The following ATP2B4 variants were observed in gnomAD, a reference collection of about 807,000 sequenced individuals.
ATP2B4 encodes the protein ATPase plasma membrane Ca2+ transporting 4.
ATP2B4 carries 39 observed loss-of-function variants against 110.3 expected under a neutral mutation model. The ratio of observed to expected loss-of-function variants is 0.35; its 90% CI spans 0.27 to 0.46. ATP2B4 has a LOEUF of 0.46. Ranked by LOEUF, ATP2B4 falls within the 20% of genes least tolerant of loss-of-function variation. The pLI, the probability that ATP2B4 is intolerant of heterozygous loss-of-function variation, is 1.00. For missense variants in ATP2B4, 1,135 were observed against 1,530.9 expected (o/e 0.74, Z 4.32); for synonymous variants, 538 against 571.7 (o/e 0.94, Z 0.84).
intron 1 of ATP2B4, among the ~76,000 whole-genome samples, chr1:203,663,074 A>G (rs1043321679): frequency 6.6e-6 from 1 of 152,192 alleles, no homozygotes; most frequent in African/African-American, 2.4e-5. Flanking sequence ...TAAAGGGTCT[A>G]GAGACTGTAG....
chr1:203,717,638 A>ATTTAT (rs1442986550), intron 15 of ATP2B4, among the ~76,000 whole-genome samples: 1 of 149,230 alleles, frequency 6.7e-6, no homozygotes, highest in Non-Finnish European at 1.5e-5. Flanking sequence ...TTATTTATTT[A>ATTTAT]TTTATTTATT....
At chr1:203,671,265 T>C (rs755591175) in intron 1 of ATP2B4, among the ~76,000 whole-genome samples, 2 of 152,232 alleles carry the variant, frequency 1.3e-5, no homozygotes, top group African/African-American at 2.4e-5. Context: ...AGTGTGTGCA[T>C]GCCTGTGATT....
chr1:203,709,205 T>C (rs1558044628), intron 10 of ATP2B4, 96 bp from the exon 11 acceptor site: 7 of 1,495,752 alleles, frequency 4.7e-6, no homozygotes, highest in Non-Finnish European at 6.4e-6. Context: ...TCCAGGTATA[T>C]AATGTGAAGG....
intron 1 of ATP2B4, among the ~76,000 whole-genome samples, chr1:203,656,030 G>A (rs982091628): frequency 6.6e-5 from 10 of 150,654 alleles, no homozygotes; most frequent in African/African-American, 1.5e-4. Flanking sequence ...TCAGCCTCCC[G>A]AGTAGCTGGG....
intron 1 of ATP2B4, among the ~76,000 whole-genome samples, chr1:203,658,522 C>T (rs1314295915): frequency 2.0e-5 from 3 of 150,062 alleles, no homozygotes; most frequent in Non-Finnish European, 4.4e-5. Context: ...CAGAGGGAGA[C>T]CCTGTCTCAA....
At chr1:203,635,827 A>C (rs1252951937) in intron 1 of ATP2B4, among the ~76,000 whole-genome samples, 2 of 152,184 alleles carry the variant, frequency 1.3e-5, no homozygotes, top group African/African-American at 4.8e-5. Flanking sequence ...GACCAATAGG[A>C]GTGTCTTTTC....
At chr1:203,679,936 C>G (rs566284965) in intron 1 of ATP2B4, among the ~76,000 whole-genome samples, 28 of 151,882 alleles carry the variant, frequency 1.8e-4, no homozygotes, top group Non-Finnish European at 3.8e-4. Context: ...TGGCAGGTGC[C>G]TATGATCCCA....
chr1:203,701,972 G>A, intron 6 of ATP2B4, 72 bp from the exon 7 acceptor site: 2 of 1,561,314 alleles, frequency 1.3e-6, no homozygotes, highest in South Asian at 2.2e-5. Context: ...GCTCTGAGCA[G>A]GACCAACAAA....
chr1:203,685,443 T>A (rs555266785), intron 2 of ATP2B4, among the ~76,000 whole-genome samples: 13 of 152,348 alleles, frequency 8.5e-5, no homozygotes, highest in South Asian at 8.3e-4. Flanking sequence ...TATTTCTGAA[T>A]CTTCCTCAGA....
At chr1:203,733,125 C>T in intron 20 of ATP2B4, 1 of 1,208,874 alleles carries the variant, frequency 8.3e-7, no homozygotes, top group Non-Finnish European at 1.1e-6. Context: ...TACTTCCATT[C>T]CTGCTTCCCC....
At chr1:203,653,211 C>G (rs1664050794) in intron 1 of ATP2B4, among the ~76,000 whole-genome samples, 1 of 152,196 alleles carries the variant, frequency 6.6e-6, no homozygotes, top group Admixed American at 6.5e-5. Context: ...AAGTTGAATC[C>G]TAATCCAAGG....
intron 20 of ATP2B4, among the ~76,000 whole-genome samples, chr1:203,736,428 A>C (rs1195559882): frequency 6.6e-6 from 1 of 151,976 alleles, no homozygotes; most frequent in Non-Finnish European, 1.5e-5. Flanking sequence ...AGATCACGCC[A>C]TTGCACTCCA....
At chr1:203,717,828 G>A (rs1397888011) in intron 15 of ATP2B4, among the ~76,000 whole-genome samples, 1 of 151,868 alleles carries the variant, frequency 6.6e-6, no homozygotes, top group African/African-American at 2.4e-5. Flanking sequence ...ATTTTTAGTA[G>A]AGATGGGGTT....
chr1:203,683,963 G>GC (rs1665099225), intron 2 of ATP2B4, among the ~76,000 whole-genome samples: 1 of 152,014 alleles, frequency 6.6e-6, no homozygotes, highest in South Asian at 2.1e-4. Flanking sequence ...GGCACAGTGA[G>GC]CCACTGCTCC....
chr1:203,721,214 T>C lies in ATP2B4; in HGVS notation c.2616T>C (p.Ala872=). The C allele has an allele frequency of 6.2e-7, 1 of 1,614,202 alleles. No homozygotes were observed. ...ACITQDSPLK[A]VQMLWVNLIM... ...CCCGCCAGGATTCCCCATTGAAAGC[T>C]GTGCAGATGTTGTGGGTTAATCTGA... Residue 872 remains alanine (A), a synonymous_variant, in exon 17 of 21, where the codon GCT becomes GCC. Coordinates refer to ENST00000357681, the MANE Select transcript of ATP2B4 (RefSeq NM_001684.5).
intron 2 of ATP2B4, 46 bp downstream of exon 2, chr1:203,683,444 G>A: frequency 1.3e-6 from 2 of 1,515,110 alleles, no homozygotes; most frequent in Non-Finnish European, 1.8e-6. Flanking sequence ...GGTGGCTAGT[G>A]TTTCAAAATA....
chr1:203,649,717 C>T (rs555382476), intron 1 of ATP2B4, among the ~76,000 whole-genome samples: 2 of 152,162 alleles, frequency 1.3e-5, no homozygotes, highest in Non-Finnish European at 2.9e-5. Flanking sequence ...TCACTGAGCC[C>T]AGGAAGGTTG....
chr1:203,719,225 G>GAAAAAAAAAAAA (rs60841821), intron 15 of ATP2B4, among the ~76,000 whole-genome samples: 1 of 54,408 alleles, frequency 1.8e-5, no homozygotes, highest in African/African-American at 7.5e-5. Flanking sequence ...ACCCTGTCTC[G>GAAAAAAAAAAAA]AAAAAAAAAA....
At chr1:203,737,865 T>C (rs984451074) in intron 20 of ATP2B4, among the ~76,000 whole-genome samples, 1 of 152,098 alleles carries the variant, frequency 6.6e-6, no homozygotes, top group Non-Finnish European at 1.5e-5. Flanking sequence ...AAGAAAGCCT[T>C]AGCCAGCAGA....
Sources: gnomAD v4.1 joint callset for allele counts (sites outside exome capture counted in the v4.1 genomes callset) on GRCh38, gnomAD v4.1.1 for gene constraint, MANE v1.5 for transcripts, NCBI Gene and HGNC (gene_info 2026-07-23, HGNC 2026-07-21) for gene names.